The following MTMR2 variants were observed in gnomAD, a reference collection of about 807,000 sequenced individuals.
MTMR2 encodes the protein phosphatidylinositol-3,5-bisphosphate 3-phosphatase MTMR2.
MTMR2 carries 55 observed loss-of-function variants against 86.9 expected under a neutral mutation model. That is an observed-to-expected ratio of 0.63 (90% confidence interval 0.51 to 0.79). The LOEUF (loss-of-function observed/expected upper bound fraction) is 0.79, where lower values mean the gene tolerates loss of function less well. Ranked by LOEUF, MTMR2 falls within the 30% of genes least tolerant of loss-of-function variation. The pLI, the probability that MTMR2 is intolerant of heterozygous loss-of-function variation, is 0.00. For synonymous variants in MTMR2, 241 were observed against 266.8 expected (o/e 0.90, Z 0.94); for missense variants, 659 against 772.3 (o/e 0.85, Z 1.74).
At chr11:95,905,368 C>CACAA (rs1866231472) in intron 1 of MTMR2, among the ~76,000 whole-genome samples, 2 of 143,006 alleles carry the variant, frequency 1.4e-5, no homozygotes, top group African/African-American at 5.1e-5. Context: ...CACACACACA[C>CACAA]AACACAACAC....
At chr11:95,909,813 C>T (rs1287673242) in intron 1 of MTMR2, among the ~76,000 whole-genome samples, 2 of 151,902 alleles carry the variant, frequency 1.3e-5, no homozygotes, top group Non-Finnish European at 2.9e-5. Context: ...ATAGAAAGTA[C>T]TTAGTGTTAA....
chr11:95,843,355 T>C (rs1317151936), intron 11 of MTMR2, among the ~76,000 whole-genome samples: 5 of 152,192 alleles, frequency 3.3e-5, no homozygotes, highest in African/African-American at 1.2e-4. Context: ...AAATAACCAA[T>C]ATGTGATGTT....
chr11:95,905,549 G>A (rs1296783696), intron 1 of MTMR2, among the ~76,000 whole-genome samples: 1 of 152,114 alleles, frequency 6.6e-6, no homozygotes, highest in Non-Finnish European at 1.5e-5. Flanking sequence ...AATTTTCTCA[G>A]GAAGACTTTC....
At chr11:95,919,697 A>T (rs1273025419) in intron 1 of MTMR2, among the ~76,000 whole-genome samples, 2 of 152,192 alleles carry the variant, frequency 1.3e-5, no homozygotes, top group African/African-American at 2.4e-5. Context: ...TCTCCCATAA[A>T]AATAACTTCA....
chr11:95,914,498 G>A (rs774674709), intron 1 of MTMR2, among the ~76,000 whole-genome samples: 3 of 151,918 alleles, frequency 2.0e-5, no homozygotes, highest in Non-Finnish European at 2.9e-5. Context: ...TGATACTACC[G>A]ATACTACCCT....
At chr11:95,875,038 T>G (rs574267416) in intron 2 of MTMR2, among the ~76,000 whole-genome samples, 7 of 152,266 alleles carry the variant, frequency 4.6e-5, no homozygotes, top group African/African-American at 1.7e-4. Flanking sequence ...ATTTTTTCCT[T>G]CATTTCAACT....
chr11:95,886,203 C>T (rs1455260642), intron 2 of MTMR2, among the ~76,000 whole-genome samples: 1 of 151,996 alleles, frequency 6.6e-6, no homozygotes, highest in African/African-American at 2.4e-5. Flanking sequence ...AATAACGTAT[C>T]AGTATTGGTT....
chr11:95,896,985 T>C (rs1306257938), intron 1 of MTMR2, among the ~76,000 whole-genome samples: 1 of 151,976 alleles, frequency 6.6e-6, no homozygotes, highest in African/African-American at 2.4e-5. Flanking sequence ...AGTTGGGAAT[T>C]GAGAAACCAG....
intron 2 of MTMR2, among the ~76,000 whole-genome samples, chr11:95,875,949 G>A (rs113776569): frequency 0.02 from 3,083 of 152,280 alleles, 57 homozygotes; most frequent in Middle Eastern, 0.031. Context: ...CTGCCTGATC[G>A]TTCCTCTGGA....
chr11:95,860,722 C>T (rs964311572), intron 5 of MTMR2, among the ~76,000 whole-genome samples: 6 of 152,116 alleles, frequency 3.9e-5, no homozygotes, highest in South Asian at 2.1e-4. Context: ...AGAAGTGGTA[C>T]GTAGAATTAA....
chr11:95,886,275 A>C (rs1409923877), intron 2 of MTMR2, among the ~76,000 whole-genome samples: 5 of 152,192 alleles, frequency 3.3e-5, no homozygotes, highest in Non-Finnish European at 7.4e-5. Context: ...AACTGGATGT[A>C]AAGTAGATGG....
At chr11:95,905,359 ACACACACAC>A (rs1866228793) in intron 1 of MTMR2, among the ~76,000 whole-genome samples, 1 of 151,898 alleles carries the variant, frequency 6.6e-6, no homozygotes, top group Non-Finnish European at 1.5e-5. Context: ...ACACACACAC[ACACACACAC>A]AACACAACAC....
At chr11:95,909,021 C>T (rs1218819954) in intron 1 of MTMR2, among the ~76,000 whole-genome samples, 1 of 152,070 alleles carries the variant, frequency 6.6e-6, no homozygotes, top group African/African-American at 2.4e-5. Flanking sequence ...TTTCTTTCCA[C>T]CATAAGATCA....
chr11:95,857,037 C>G (rs1234087812), intron 7 of MTMR2, among the ~76,000 whole-genome samples: 1 of 151,980 alleles, frequency 6.6e-6, no homozygotes, highest in Non-Finnish European at 1.5e-5. Context: ...GGTAACAAAC[C>G]CCACTTCAAG....
At chr11:95,880,216 G>A (rs1451174335) in intron 2 of MTMR2, among the ~76,000 whole-genome samples, 1 of 152,004 alleles carries the variant, frequency 6.6e-6, no homozygotes. Flanking sequence ...GAGAGAAACT[G>A]TAAGATACTC....
intron 10 of MTMR2, among the ~76,000 whole-genome samples, chr11:95,845,478 A>G (rs1863748079): frequency 6.6e-6 from 1 of 152,194 alleles, no homozygotes. Flanking sequence ...TAAGAATCAA[A>G]TATTCCATCA....
intron 2 of MTMR2, among the ~76,000 whole-genome samples, chr11:95,877,699 G>C (rs113091252): frequency 4.6e-5 from 7 of 152,090 alleles, no homozygotes; most frequent in Non-Finnish European, 8.8e-5. Flanking sequence ...TGAAGAAACA[G>C]GGAGAATGCC....
At chr11:95,857,402 A>T in intron 7 of MTMR2, 150 bp downstream of exon 7, 1 of 666,764 alleles carries the variant, frequency 1.5e-6, no homozygotes, top group East Asian at 2.7e-5. Context: ...ATACTAAAAC[A>T]GATTTCAAGA....
chr11:95,906,616 A>G lies in MTMR2; in HGVS notation c.80+17259T>C, dbSNP rs577846140. ...CTCATATGCACATGGCACATACTCTAAAATCGACAACACAATCAGCCATAA... is the reference window on the plus strand; with the variant it reads ...CTCATATGCACATGGCACATACTCTGAAATCGACAACACAATCAGCCATAA... On this transcript the variant is annotated intron_variant, in intron 1 of 14. Transcript: ENST00000346299. 2.0e-5 allele frequency among the ~76,000 whole-genome samples: 3 copies of G among 152,306 alleles called. No homozygotes were observed. In the East Asian group the frequency reaches 5.8e-4, roughly 29 times the overall value.
Sources: allele counts gnomAD v4.1 joint callset (sites outside exome capture counted in the v4.1 genomes callset), GRCh38; gene constraint gnomAD v4.1.1; transcripts MANE v1.5; gene names NCBI Gene and HGNC (gene_info 2026-07-23, HGNC 2026-07-21).